The following DNM1L variants were observed in gnomAD, a reference collection of about 807,000 sequenced individuals.
DNM1L encodes the protein dynamin 1L.
In DNM1L, 33 loss-of-function variants were observed where a neutral mutation model predicts 92.8. The observed-to-expected ratio is 0.36, with a 90% CI of 0.27 to 0.48. The LOEUF (loss-of-function observed/expected upper bound fraction) is 0.48, where lower values mean the gene tolerates loss of function less well. Among genes scored for constraint, DNM1L ranks in the 20% least tolerant of loss-of-function variants. The pLI is 0.99. For synonymous variants in DNM1L, 284 were observed against 305.0 expected, an observed-to-expected ratio of 0.93 and a Z score of 0.72; for missense variants, 485 against 888.8, an observed-to-expected ratio of 0.55 and a Z score of 5.78.
chr12:32,719,750 G>A (rs1278970084), intron 7 of DNM1L, among the ~76,000 whole-genome samples: 2 of 152,164 alleles, frequency 1.3e-5, no homozygotes, highest in African/African-American at 2.4e-5. Context: ...TTACGTTTTA[G>A]ACACTCTACT....
chr12:32,713,448 TTAAA>T (rs1042158534), intron 6 of DNM1L, 77 bp downstream of exon 6: 1 of 1,457,470 alleles, frequency 6.9e-7, no homozygotes, highest in Non-Finnish European at 9.6e-7. Context: ...ATTTTTCTCT[TTAAA>T]AACAGTATCT....
At position 32,731,629 on chromosome 12, in the gene DNM1L, T is replaced by A; in HGVS notation, c.1356+118T>A. 1 of 1,298,944 alleles carries A rather than the reference T, an allele frequency of 7.7e-7. No homozygotes were observed. The highest frequency in any genetic ancestry group is 1.1e-6 in the Non-Finnish European group (1 of 925,156). 80.5% of individuals were successfully genotyped at this position (1,298,944 alleles called of 1,614,324 possible). A position where few individuals can be genotyped will look rare whatever the true frequency, so the allele number is the denominator to read the frequency against. On this transcript the variant is annotated intron_variant, in intron 11 of 19. Coordinates refer to ENST00000549701, the MANE Select transcript of DNM1L (RefSeq NM_012062.5). This position sits in a 1 kb window ranked among gnomAD's most constrained non-coding sequence, Gnocchi z 5.1. Reference sequence around the variant, plus strand: ...TACAAGGTAAAATCTGTAGTTCCCTTACCTGAAAGTGATTTGAAATAGGAT... The same window carrying A: ...TACAAGGTAAAATCTGTAGTTCCCTAACCTGAAAGTGATTTGAAATAGGAT...
chr12:32,710,878 ATTAC>A (rs1953099858), intron 4 of DNM1L, 47 bp from the exon 5 acceptor site: 1 of 1,322,860 alleles, frequency 7.6e-7, no homozygotes, highest in Non-Finnish European at 1.1e-6. Flanking sequence ...AATGAAGTTT[ATTAC>A]TTCATAGTTC....
chr12:32,737,167 A>G lies in DNM1L; in HGVS notation c.1596+6A>G, dbSNP rs1272683643. On this transcript the variant is annotated splice_donor_region_variant and intron_variant, in intron 14 of 19. Transcript: ENST00000549701. ...CAGCTGTATCACGAGACAAGGTAAA[A>G]AAATGTTTTTAATGCATATTCCCAA... is the stretch of plus-strand genomic sequence containing the variant. 2 of 1,613,680 alleles carry G rather than the reference A, an allele frequency of 1.2e-6. No homozygotes were observed. Among genetic ancestry groups the G allele is most frequent in the South Asian group, 1.1e-5 (1 of 91,066 alleles).
chr12:32,701,276 C>CAAAA, intron 1 of DNM1L, 139 bp from the exon 2 acceptor site: 2 of 595,854 alleles, frequency 3.4e-6, no homozygotes, highest in Admixed American at 3.6e-5. Context: ...AACTCCGTCT[C>CAAAA]AAAAAAAAAA....
chr12:32,726,625 C>A (rs139752145), intron 9 of DNM1L: 2 of 980,316 alleles, frequency 2.0e-6, no homozygotes, highest in African/African-American at 1.6e-5. Context: ...TCCAGATCTC[C>A]ACTCTCAGGA....
chr12:32,699,744 A>G (rs1952617965), intron 1 of DNM1L, among the ~76,000 whole-genome samples: 1 of 146,140 alleles, frequency 6.8e-6, no homozygotes, highest in Non-Finnish European at 1.5e-5. Flanking sequence ...CAGAGAGCCA[A>G]GATGGTGCCA....
intron 1 of DNM1L, among the ~76,000 whole-genome samples, chr12:32,686,937 C>CTTTTTTTTTT (rs71447614): frequency 1.7e-3 from 160 of 95,596 alleles, no homozygotes; most frequent in African/African-American, 2.9e-3. Context: ...TCTTTTTTTT[C>CTTTTTTTTTT]TTTTTTTTTT....
intron 6 of DNM1L, among the ~76,000 whole-genome samples, chr12:32,717,445 TATACTATATATATTTTAA>T (rs1953505288): frequency 1.0e-5 from 1 of 97,960 alleles, no homozygotes; most frequent in African/African-American, 4.6e-5. Context: ...ATTTTAAATA[TATACTATATATATTTTAA>T]ATATATAGTA....
At chr12:32,737,641 C>A in intron 14 of DNM1L, 4 of 509,174 alleles carry the variant, frequency 7.9e-6, no homozygotes, top group Admixed American at 3.5e-5. Flanking sequence ...AAAAATGAAG[C>A]TTTTGGATTT....
intron 14 of DNM1L, chr12:32,737,369 A>G (rs1227922761): frequency 3.7e-6 from 2 of 546,618 alleles, no homozygotes; most frequent in Admixed American, 3.2e-5. Context: ...TAAATGCTTA[A>G]AAGTAGATTT....
intron 1 of DNM1L, among the ~76,000 whole-genome samples, chr12:32,689,259 G>A (rs1207559970): frequency 2.0e-5 from 3 of 152,108 alleles, no homozygotes; most frequent in African/African-American, 2.4e-5. Flanking sequence ...TTGCAATGGC[G>A]TGATCCTGGC....
At chr12:32,690,890 A>G (rs1952201642) in intron 1 of DNM1L, among the ~76,000 whole-genome samples, 2 of 152,238 alleles carry the variant, frequency 1.3e-5, no homozygotes, top group Non-Finnish European at 2.9e-5. Context: ...CATTAAAAAA[A>G]TCACTTTACT....
At chr12:32,737,387 TA>T in intron 14 of DNM1L, 1 of 374,480 alleles carries the variant, frequency 2.7e-6, no homozygotes, top group Non-Finnish European at 4.7e-6. Context: ...TTTAAGCATT[TA>T]TTTAAGCATT....
chr12:32,738,537 G>A (rs1955064756), intron 16 of DNM1L, among the ~76,000 whole-genome samples: 3 of 152,072 alleles, frequency 2.0e-5, no homozygotes, highest in African/African-American at 7.2e-5. Context: ...TTAGTATTTT[G>A]GTAGGAAATT....
intron 15 of DNM1L, 25 bp from the exon 16 acceptor site, chr12:32,738,239 C>A: frequency 1.2e-6 from 2 of 1,612,218 alleles, no homozygotes; most frequent in African/African-American, 1.3e-5. Flanking sequence ...TGTTAAATTG[C>A]ATGTTTTAAC....
chr12:32,696,260 G>T (rs2137273746), intron 1 of DNM1L, among the ~76,000 whole-genome samples: 1 of 152,142 alleles, frequency 6.6e-6, no homozygotes, highest in African/African-American at 2.4e-5. Context: ...TCAGGGCCAG[G>T]TGTGGTAGCT....
rs1359490001 is a variant in DNM1L, at chr12:32,722,413, C to T, written c.873-14C>T. On this transcript the variant is annotated splice_polypyrimidine_tract_variant and intron_variant, in intron 8 of 19. Coordinates refer to ENST00000549701, the MANE Select transcript of DNM1L (RefSeq NM_012062.5). ...AATTTTACTTTTAAATCCTTCCTTT[C>T]TAACCTTTTTTAGGTTACTGATGCA... 6.2e-7 allele frequency: 1 copy of T among 1,608,302 alleles called. No individual in the cohort carries two copies. Among genetic ancestry groups the T allele is most frequent in the Non-Finnish European group, 8.5e-7 (1 of 1,177,318 alleles).
intron 1 of DNM1L, among the ~76,000 whole-genome samples, chr12:32,694,155 C>G (rs1952338363): frequency 6.6e-6 from 1 of 152,222 alleles, no homozygotes; most frequent in Admixed American, 6.5e-5. Flanking sequence ...ACAGTCTTGG[C>G]TCACTACAAC....
Sources: allele counts gnomAD v4.1 joint callset (sites outside exome capture counted in the v4.1 genomes callset), GRCh38; gene constraint gnomAD v4.1.1; non-coding constraint Gnocchi (gnomAD v3.1); transcripts MANE v1.5; gene names NCBI Gene and HGNC (gene_info 2026-07-23, HGNC 2026-07-21).